The following FILIP1L variants were observed in gnomAD, a reference collection of about 807,000 sequenced individuals.
The protein encoded by FILIP1L is filamin A interacting protein 1 like, also known as filamin A-interacting protein 1-like.
Under a neutral mutation model 96.6 loss-of-function variants are expected in FILIP1L, and 55 were observed. That is an observed-to-expected ratio of 0.57 (90% CI 0.46 to 0.71). FILIP1L has a LOEUF of 0.71. Ranked by LOEUF, FILIP1L falls within the 30% of genes least tolerant of loss-of-function variation. The probability of loss-of-function intolerance (pLI) is 0.00; values close to 1 mark genes in which losing one functional copy is unlikely to be tolerated. For synonymous variants in FILIP1L, 467 were observed against 473.9 expected (o/e 0.99, Z 0.19); for missense variants, 1,304 against 1,321.2 (o/e 0.99, Z 0.20).
intron 1 of FILIP1L, among the ~76,000 whole-genome samples, chr3:99,978,496 A>G (rs1317134064): frequency 6.6e-6 from 1 of 152,268 alleles, no homozygotes; most frequent in Non-Finnish European, 1.5e-5. Context: ...CACATGGATG[A>G]GCCTGGAGGG....
At chr3:99,991,514 T>G (rs1709509351) in intron 1 of FILIP1L, among the ~76,000 whole-genome samples, 1 of 152,136 alleles carries the variant, frequency 6.6e-6, no homozygotes, top group Non-Finnish European at 1.5e-5. Context: ...ATATATTGCA[T>G]CATGGTCAAG....
intron 4 of FILIP1L, among the ~76,000 whole-genome samples, chr3:99,897,566 A>G (rs1706298357): frequency 6.6e-6 from 1 of 152,126 alleles, no homozygotes; most frequent in South Asian, 2.1e-4. Flanking sequence ...TCTAAGGCTT[A>G]ATATTATTGC....
At chr3:100,029,817 G>A (rs1474057862) in intron 1 of FILIP1L, among the ~76,000 whole-genome samples, 1 of 152,080 alleles carries the variant, frequency 6.6e-6, no homozygotes, top group Admixed American at 6.6e-5. Flanking sequence ...GTGACCAAAA[G>A]GGCAGATTCT....
intron 1 of FILIP1L, among the ~76,000 whole-genome samples, chr3:99,947,192 C>G (rs1246196770): frequency 6.7e-6 from 1 of 148,248 alleles, no homozygotes; most frequent in African/African-American, 2.5e-5. Context: ...AATGGGGAAG[C>G]AGGCACAAAG....
rs117786196 is a variant in FILIP1L at position 100,059,314 on chromosome 3, C to T, written c.-11+54739G>A. Among the ~76,000 whole-genome samples the T allele has an allele frequency of 1.1e-3, 165 of 152,258 alleles. 2 individuals are homozygous for T. In the East Asian group the frequency reaches 0.028, roughly 26 times the overall value. On this transcript the variant is annotated intron_variant, in intron 1 of 5. Coordinates refer to ENST00000477258, the MANE Select transcript of FILIP1L (RefSeq NM_001387850.1). ...TCTGGCATTTGAGGCTATAATGGGA[C>T]GAGCCTTCCATGTGACATCTTTTTT...
intron 4 of FILIP1L, among the ~76,000 whole-genome samples, chr3:99,884,853 C>T (rs13063594): frequency 0.053 from 8,142 of 152,226 alleles, 318 homozygotes; most frequent in Middle Eastern, 0.085. Flanking sequence ...ACTTTTGAAG[C>T]AGCTGAATAC....
At position 99,850,325 on chromosome 3, in the gene FILIP1L, C is replaced by T; in HGVS notation, c.1351G>A (p.Glu451Lys). Residue 451 changes from glutamate (E) to lysine (K), a missense_variant, in exon 5 of 6, where the codon GAA (glutamate) becomes AAA (lysine). Glu to Lys is a moderately conservative substitution (Grantham distance 56). Coordinates refer to ENST00000477258, the MANE Select transcript of FILIP1L (RefSeq NM_001387850.1). Reference sequence around the variant, plus strand: ...GACAACTGCTTTGTGGTCATCCTTTCTTTTTCTAAATTGCATTTCAGAGAG... The same window carrying T: ...GACAACTGCTTTGTGGTCATCCTTTTTTTTTCTAAATTGCATTTCAGAGAG... The part of the protein sequence containing the change: ...CYSLKCNLEK[E>K]RMTTKQLSQE... The T allele has an allele frequency of 6.2e-7, 1 of 1,613,040 alleles. No individual in the cohort carries two copies. Among genetic ancestry groups the T allele is most frequent in the Non-Finnish European group, 8.5e-7 (1 of 1,179,846 alleles).
chr3:99,982,123 G>C (rs1454707909), intron 1 of FILIP1L, among the ~76,000 whole-genome samples: 4 of 151,956 alleles, frequency 2.6e-5, no homozygotes, highest in Non-Finnish European at 5.9e-5. Context: ...GTTATAATTA[G>C]TTTAAAAAAC....
intron 4 of FILIP1L, among the ~76,000 whole-genome samples, chr3:99,890,729 T>G (rs1007191993): frequency 6.3e-5 from 9 of 143,788 alleles, no homozygotes; most frequent in African/African-American, 1.6e-4. Flanking sequence ...CAATCCGCTG[T>G]TTTTTTTTTT....
intron 4 of FILIP1L, among the ~76,000 whole-genome samples, chr3:99,873,444 T>G (rs193001561): frequency 8.0e-4 from 122 of 152,280 alleles, no homozygotes; most frequent in Non-Finnish European, 1.4e-3. Flanking sequence ...CAATATCCAG[T>G]CTTTTATAAA....
At chr3:99,873,170 G>A (rs1449866516) in intron 4 of FILIP1L, among the ~76,000 whole-genome samples, 1 of 152,184 alleles carries the variant, frequency 6.6e-6, no homozygotes, top group Non-Finnish European at 1.5e-5. Context: ...TTGAAGGTTT[G>A]TGATGCTGGC....
intron 1 of FILIP1L, among the ~76,000 whole-genome samples, chr3:100,027,115 C>A (rs1046564806): frequency 1.3e-5 from 2 of 152,144 alleles, no homozygotes. Context: ...CTTGGACACG[C>A]TATCTAAACT....
At chr3:99,905,740 C>G (rs542526180) in intron 4 of FILIP1L, among the ~76,000 whole-genome samples, 8 of 152,282 alleles carry the variant, frequency 5.3e-5, no homozygotes, top group Admixed American at 2.0e-4. Context: ...CATTTGATGT[C>G]TATTACTGTA....
At chr3:99,980,099 G>A (rs1709077851) in intron 1 of FILIP1L, among the ~76,000 whole-genome samples, 1 of 152,122 alleles carries the variant, frequency 6.6e-6, no homozygotes. Context: ...ATGATGAGAA[G>A]CCTAATTCAG....
At chr3:99,960,652 G>A (rs1708464073) in intron 1 of FILIP1L, among the ~76,000 whole-genome samples, 1 of 152,176 alleles carries the variant, frequency 6.6e-6, no homozygotes, top group Non-Finnish European at 1.5e-5. Flanking sequence ...TCAAGGTAGG[G>A]GAGAAGTAGG....
chr3:99,955,679 TC>T (rs974236328), intron 1 of FILIP1L, among the ~76,000 whole-genome samples: 2 of 152,242 alleles, frequency 1.3e-5, no homozygotes, highest in Non-Finnish European at 2.9e-5. Context: ...TGAAATAACT[TC>T]CTGGAGCATT....
chr3:99,860,376 T>C lies in FILIP1L; in HGVS notation c.606-9306A>G, dbSNP rs137928415. On this transcript the variant is annotated intron_variant, in intron 4 of 5. Coordinates refer to ENST00000477258, the MANE Select transcript of FILIP1L (RefSeq NM_001387850.1). ...AATGACCCATTAATTATAAGGAGCT[T>C]GGTAGCTTTTAGCAGAGAATCAGGA... is the stretch of plus-strand genomic sequence containing the variant. 1.4e-4 allele frequency among the ~76,000 whole-genome samples: 21 copies of C among 152,300 alleles called. No homozygotes were observed. In the South Asian group the frequency reaches 2.5e-3, roughly 18 times the overall value.
intron 4 of FILIP1L, among the ~76,000 whole-genome samples, chr3:99,916,152 A>C (rs575476960): frequency 6.6e-6 from 1 of 152,300 alleles, no homozygotes; most frequent in South Asian, 2.1e-4. Flanking sequence ...CCCCAGTGTG[A>C]GTAGACATCC....
intron 1 of FILIP1L, among the ~76,000 whole-genome samples, chr3:100,034,332 A>G (rs893834532): frequency 6.6e-6 from 1 of 152,206 alleles, no homozygotes; most frequent in East Asian, 1.9e-4. Flanking sequence ...GGCAGCAGTA[A>G]GAAGTTATTT....
Sources: gnomAD v4.1 joint callset for allele counts (sites outside exome capture counted in the v4.1 genomes callset) on GRCh38, gnomAD v4.1.1 for gene constraint, MANE v1.5 for transcripts, NCBI Gene and HGNC (gene_info 2026-07-23, HGNC 2026-07-21) for gene names.